Variants in NRG1 observed in about 807,000 individuals in gnomAD.
NRG1 encodes neuregulin 1.
In NRG1, 18 loss-of-function variants were observed where a neutral mutation model predicts 63.8. That is an observed-to-expected ratio of 0.28 (90% confidence interval 0.19 to 0.42). The LOEUF is 0.42. Ranked by LOEUF, NRG1 falls within the 10% of genes least tolerant of loss-of-function variation. The pLI is 1.00. For missense variants in NRG1, 762 were observed against 814.7 expected (o/e 0.94, Z 0.79); for synonymous variants, 302 against 301.3 (o/e 1.00, Z -0.02).
Position 32,448,605 on chromosome 8 carries a change from G to A in NRG1, c.38-147223G>A, listed in dbSNP as rs114945725. On this transcript the variant is annotated intron_variant, in intron 1 of 10. Coordinates refer to the NRG1 transcript ENST00000519301. ...GCCCTGAAGTGCTCCTAAGGTAACC[G>A]CAAGATGAGGCAAAACAGGATTGAG... Among the ~76,000 whole-genome samples the A allele has an allele frequency of 3.9e-3, 597 of 152,162 alleles. 6 individuals carry two copies. Among genetic ancestry groups the A allele is most frequent in the African/African-American group, 0.014 (565 of 41,514 alleles).
intron 1 of NRG1, among the ~76,000 whole-genome samples, chr8:31,920,401 A>G (rs999403069): frequency 7.2e-4 from 109 of 152,334 alleles, no homozygotes; most frequent in Non-Finnish European, 1.5e-3. Flanking sequence ...TACTTAGTAG[A>G]CATAAATAAT....
chr8:31,899,775 C>T (rs943667267), intron 1 of NRG1, among the ~76,000 whole-genome samples: 1 of 152,106 alleles, frequency 6.6e-6, no homozygotes, highest in Non-Finnish European at 1.5e-5. Flanking sequence ...CATACACACA[C>T]TCAATAAAAT....
At chr8:31,825,726 C>A (rs968940883) in intron 1 of NRG1, among the ~76,000 whole-genome samples, 8 of 152,092 alleles carry the variant, frequency 5.3e-5, no homozygotes, top group African/African-American at 1.7e-4. Flanking sequence ...AGGTCATCTA[C>A]CTTTGAAATT....
At chr8:31,900,170 C>A (rs1373053520) in intron 1 of NRG1, among the ~76,000 whole-genome samples, 1 of 152,134 alleles carries the variant, frequency 6.6e-6, no homozygotes, top group East Asian at 1.9e-4. Context: ...AAACTAATTT[C>A]ACTAATAGTG....
At chr8:32,490,991 A>G (rs1826487376) in intron 1 of NRG1, among the ~76,000 whole-genome samples, 1 of 152,166 alleles carries the variant, frequency 6.6e-6, no homozygotes, top group Non-Finnish European at 1.5e-5. Flanking sequence ...AAGAATACAT[A>G]GTATATTAAG....
At chr8:32,192,508 G>A (rs765377796) in intron 1 of NRG1, among the ~76,000 whole-genome samples, 9 of 152,136 alleles carry the variant, frequency 5.9e-5, no homozygotes, top group Non-Finnish European at 1.3e-4. Flanking sequence ...CGTATGCCAC[G>A]TGTTCTCACT....
intron 1 of NRG1, among the ~76,000 whole-genome samples, chr8:32,052,979 C>T (rs1181814039): frequency 2.6e-5 from 4 of 152,084 alleles, no homozygotes; most frequent in Admixed American, 6.6e-5. Context: ...TGTCTCCTAC[C>T]ACCACACATA....
intron 7 of NRG1, 79 bp from the exon 8 acceptor site, chr8:32,754,293 G>A: frequency 2.6e-6 from 3 of 1,161,922 alleles, no homozygotes; most frequent in Non-Finnish European, 3.8e-6. Flanking sequence ...ATGTCATGCA[G>A]CATGCCCACT....
chr8:32,720,289 CCTT>C (rs1179680703), intron 5 of NRG1, among the ~76,000 whole-genome samples: 1 of 152,138 alleles, frequency 6.6e-6, no homozygotes, highest in African/African-American at 2.4e-5. Flanking sequence ...ATTGACTTGA[CCTT>C]CTTCCACCCA....
chr8:31,930,361 C>G (rs1350374003), intron 1 of NRG1, among the ~76,000 whole-genome samples: 1 of 152,184 alleles, frequency 6.6e-6, no homozygotes, highest in Non-Finnish European at 1.5e-5. Context: ...GGGCTAGAAA[C>G]TCCAGCAAGT....
At chr8:32,388,286 T>C (rs979348680) in intron 1 of NRG1, among the ~76,000 whole-genome samples, 2 of 152,176 alleles carry the variant, frequency 1.3e-5, no homozygotes, top group Non-Finnish European at 2.9e-5. Flanking sequence ...AGTAATTAGA[T>C]TATTGGACAA....
At chr8:32,725,988 A>G (rs894099510) in intron 5 of NRG1, among the ~76,000 whole-genome samples, 2 of 152,150 alleles carry the variant, frequency 1.3e-5, no homozygotes, top group African/African-American at 4.8e-5. Flanking sequence ...CTGATAATTG[A>G]TGGTAAAAAT....
chr8:32,073,829 G>A lies in NRG1; in HGVS notation c.37+434398G>A, dbSNP rs1380247658. Among the ~76,000 whole-genome samples, 4 of 152,100 alleles carry A rather than the reference G, an allele frequency of 2.6e-5. No homozygotes were observed. The South Asian group carries it at 6.2e-4, about 24-fold the overall frequency. ...TCATTTGGAGTTTATCCCTATGCAG[G>A]CAATCATAGATTAGAAAGTTATTTT... On this transcript the variant is annotated intron_variant, in intron 1 of 10. Coordinates refer to the NRG1 transcript ENST00000519301.
At chr8:31,844,161 G>C (rs1305374104) in intron 1 of NRG1, among the ~76,000 whole-genome samples, 1 of 152,200 alleles carries the variant, frequency 6.6e-6, no homozygotes, top group East Asian at 1.9e-4. Flanking sequence ...CAAATGCTCT[G>C]TTGCGCACTT....
At chr8:32,233,858 TC>T (rs1410886275) in intron 1 of NRG1, among the ~76,000 whole-genome samples, 7 of 151,978 alleles carry the variant, frequency 4.6e-5, no homozygotes, top group African/African-American at 1.4e-4. Context: ...AGCCATTGCA[TC>T]CAGCCTCAAA....
intron 1 of NRG1, among the ~76,000 whole-genome samples, chr8:32,088,868 C>A (rs551802637): frequency 4.0e-4 from 60 of 149,260 alleles, no homozygotes; most frequent in Middle Eastern, 3.4e-3. Flanking sequence ...AACAGTAATC[C>A]AAAAAAAAAT....
At chr8:32,403,793 G>A (rs1813560069) in intron 1 of NRG1, among the ~76,000 whole-genome samples, 1 of 152,102 alleles carries the variant, frequency 6.6e-6, no homozygotes, top group Non-Finnish European at 1.5e-5. Context: ...ATCATAATGA[G>A]GAGAGATCTT....
At chr8:31,865,347 G>A (rs539845386) in intron 1 of NRG1, among the ~76,000 whole-genome samples, 3 of 152,162 alleles carry the variant, frequency 2.0e-5, no homozygotes, top group African/African-American at 4.8e-5. Flanking sequence ...AGTGAAGCAG[G>A]TGCTTTTCTG....
At chr8:32,762,627 T>G (rs1199733677) in intron 11 of NRG1, among the ~76,000 whole-genome samples, 2 of 152,220 alleles carry the variant, frequency 1.3e-5, no homozygotes, top group African/African-American at 4.8e-5. Flanking sequence ...TCATACGTTT[T>G]CCGTTCCTGT....
Sources: gnomAD v4.1 joint callset for allele counts (sites outside exome capture counted in the v4.1 genomes callset) on GRCh38, gnomAD v4.1.1 for gene constraint, MANE v1.5 for transcripts, NCBI Gene and HGNC (gene_info 2026-07-23, HGNC 2026-07-21) for gene names.